The following ST6GALNAC5 variants were observed in gnomAD, a reference collection of about 807,000 sequenced individuals.
ST6GALNAC5 encodes alpha-N-acetylgalactosaminide alpha-2,6-sialyltransferase 5.
In ST6GALNAC5, 27 loss-of-function variants were observed where a neutral mutation model predicts 33.6. The observed-to-expected ratio is 0.80, with a 90% confidence interval of 0.59 to 1.11. The LOEUF (loss-of-function observed/expected upper bound fraction) is 1.11. Among genes scored for constraint, ST6GALNAC5 ranks in the 50% least tolerant of loss-of-function variants. The pLI is 0.00. For missense variants in ST6GALNAC5, 428 were observed against 454.0 expected (o/e 0.94, Z 0.52); for synonymous variants, 194 against 171.2 (o/e 1.13, Z -1.04).
At chr1:76,985,771 A>G (rs1003678676) in intron 2 of ST6GALNAC5, among the ~76,000 whole-genome samples, 2 of 152,158 alleles carry the variant, frequency 1.3e-5, no homozygotes, top group Non-Finnish European at 2.9e-5. Flanking sequence ...ACAAGGCTAC[A>G]GTAACCAAAA....
At chr1:76,969,025 T>C (rs766724870) in intron 2 of ST6GALNAC5, among the ~76,000 whole-genome samples, 1 of 152,202 alleles carries the variant, frequency 6.6e-6, no homozygotes, top group Non-Finnish European at 1.5e-5. Flanking sequence ...TTTCCCTTCA[T>C]TTCAACCTTG....
intron 2 of ST6GALNAC5, among the ~76,000 whole-genome samples, chr1:76,901,811 G>C (rs1570654521): frequency 6.6e-6 from 1 of 152,068 alleles, no homozygotes; most frequent in Non-Finnish European, 1.5e-5. Flanking sequence ...TTATTTTATA[G>C]TTGATTTTAA....
intron 2 of ST6GALNAC5, among the ~76,000 whole-genome samples, chr1:76,960,223 G>T (rs985399645): frequency 6.6e-6 from 1 of 152,144 alleles, no homozygotes; most frequent in Admixed American, 6.5e-5. Flanking sequence ...ACAAAAGAGA[G>T]AAATTTTAAA....
intron 2 of ST6GALNAC5, among the ~76,000 whole-genome samples, chr1:77,000,267 T>C (rs1290569806): frequency 3.4e-5 from 4 of 118,208 alleles, no homozygotes; most frequent in African/African-American, 1.0e-4. Context: ...TTTCATGTGT[T>C]TTTTGGCTGC....
chr1:77,049,143 A>AT (rs910889117), intron 3 of ST6GALNAC5, among the ~76,000 whole-genome samples: 10 of 151,246 alleles, frequency 6.6e-5, no homozygotes, highest in South Asian at 4.2e-4. Context: ...TCCTCTCTCT[A>AT]TTTTTTTTTC....
intron 2 of ST6GALNAC5, among the ~76,000 whole-genome samples, chr1:76,978,801 A>G (rs1352962927): frequency 1.3e-5 from 2 of 152,374 alleles, no homozygotes; most frequent in East Asian, 3.9e-4. Flanking sequence ...AGAGAGAAAT[A>G]ATGGACATCC....
chr1:76,947,101 A>G (rs1326030705), intron 2 of ST6GALNAC5, among the ~76,000 whole-genome samples: 1 of 152,152 alleles, frequency 6.6e-6, no homozygotes, highest in East Asian at 1.9e-4. Flanking sequence ...ACAAAAATGC[A>G]ATCAGCTCCA....
At chr1:76,892,914 G>T (rs1251118603) in intron 2 of ST6GALNAC5, among the ~76,000 whole-genome samples, 1 of 152,150 alleles carries the variant, frequency 6.6e-6, no homozygotes, top group Non-Finnish European at 1.5e-5. Context: ...GCTGCTGGTA[G>T]TTCCTCAAAG....
intron 2 of ST6GALNAC5, among the ~76,000 whole-genome samples, chr1:77,017,328 TACTC>T (rs1342368813): frequency 6.6e-6 from 1 of 152,186 alleles, no homozygotes; most frequent in Admixed American, 6.5e-5. Flanking sequence ...CAGACAGTCT[TACTC>T]TCTGTTCACT....
chr1:77,011,868 A>T (rs1473791184), intron 2 of ST6GALNAC5, among the ~76,000 whole-genome samples: 1 of 152,202 alleles, frequency 6.6e-6, no homozygotes, highest in Non-Finnish European at 1.5e-5. Flanking sequence ...ACTACTTATT[A>T]TATACAAGAT....
chr1:76,893,923 T>C (rs552147142), intron 2 of ST6GALNAC5, among the ~76,000 whole-genome samples: 1 of 152,272 alleles, frequency 6.6e-6, no homozygotes, highest in South Asian at 2.1e-4. Flanking sequence ...CCTCCCAAAG[T>C]GCTGGTATTA....
intron 2 of ST6GALNAC5, among the ~76,000 whole-genome samples, chr1:76,955,830 A>G (rs1647934799): frequency 6.6e-6 from 1 of 152,198 alleles, no homozygotes; most frequent in South Asian, 2.1e-4. Context: ...TTGAGCAACC[A>G]GTGCAGCATT....
intron 2 of ST6GALNAC5, among the ~76,000 whole-genome samples, chr1:76,884,243 G>A (rs1441954280): frequency 6.6e-6 from 1 of 152,144 alleles, no homozygotes; most frequent in African/African-American, 2.4e-5. Context: ...GAAGGTTTGT[G>A]GTTCAAGATT....
At chr1:76,918,616 CAAAAAAAA>C (rs5775368) in intron 2 of ST6GALNAC5, among the ~76,000 whole-genome samples, 1 of 76,582 alleles carries the variant, frequency 1.3e-5, no homozygotes, top group Admixed American at 1.6e-4. Flanking sequence ...GACTCCATCT[CAAAAAAAA>C]AAAAAAAAAA....
chr1:76,898,868 C>T (rs967027032), intron 2 of ST6GALNAC5, among the ~76,000 whole-genome samples: 4 of 151,964 alleles, frequency 2.6e-5, no homozygotes, highest in African/African-American at 9.7e-5. Flanking sequence ...AGGGAGAGGT[C>T]AGATGGGTCT....
Position 77,066,996 on chromosome 1 carries a change from T to C in ST6GALNAC5, c.*3790T>C, listed in dbSNP as rs903226873. On this transcript the variant is annotated 3_prime_UTR_variant, in exon 5 of 5. Coordinates refer to ENST00000477717, the MANE Select transcript of ST6GALNAC5 (RefSeq NM_030965.3). ...TATATCTGGCTACCATACAAGGTACTTCAGAAGTACCATTATGGTTTGCCC... is the reference window on the plus strand; with the variant it reads ...TATATCTGGCTACCATACAAGGTACCTCAGAAGTACCATTATGGTTTGCCC... Among the ~76,000 whole-genome samples the C allele has an allele frequency of 5.3e-5, 8 of 152,188 alleles. No individual in the cohort carries two copies. The highest frequency in any genetic ancestry group is 3.9e-4 in the Admixed American group (6 of 15,276).
intron 2 of ST6GALNAC5, among the ~76,000 whole-genome samples, chr1:76,895,690 G>A (rs533503938): frequency 1.3e-5 from 2 of 152,014 alleles, no homozygotes; most frequent in South Asian, 4.2e-4. Flanking sequence ...ATGGCTTGGA[G>A]AAACAGTGTA....
intron 2 of ST6GALNAC5, among the ~76,000 whole-genome samples, chr1:77,042,575 A>G (rs1485700447): frequency 6.6e-6 from 1 of 152,216 alleles, no homozygotes; most frequent in Non-Finnish European, 1.5e-5. Flanking sequence ...TTGTACAATT[A>G]CTTTATGGAC....
At chr1:76,884,411 C>T (rs1012711272) in intron 2 of ST6GALNAC5, among the ~76,000 whole-genome samples, 1 of 152,082 alleles carries the variant, frequency 6.6e-6, no homozygotes, top group African/African-American at 2.4e-5. Flanking sequence ...TGTCGAGACT[C>T]CATAATGCAT....
Sources: gnomAD v4.1 joint callset for allele counts (sites outside exome capture counted in the v4.1 genomes callset) on GRCh38, gnomAD v4.1.1 for gene constraint, MANE v1.5 for transcripts, NCBI Gene and HGNC (gene_info 2026-07-23, HGNC 2026-07-21) for gene names.